NECAB2: variants seen among roughly 807,000 people sequenced by gnomAD.
NECAB2 encodes the protein N-terminal EF-hand calcium binding protein 2.
A neutral mutation model predicts 51.9 loss-of-function variants in NECAB2; 68 were observed. The ratio of observed to expected loss-of-function variants is 1.31; its 90% CI spans 1.08 to 1.60. The LOEUF is 1.60. Among genes scored for constraint, NECAB2 ranks in the 40% most tolerant of loss-of-function variants. The pLI is 0.00. For missense variants in NECAB2, 854 were observed against 490.3 expected, an observed-to-expected ratio of 1.74 and a Z score of -7.00; for synonymous variants, 329 against 203.5, an observed-to-expected ratio of 1.62 and a Z score of -5.25.
chr16:83,993,336 C>G (rs1037130549), intron 6 of NECAB2: 1 of 152,246 alleles, frequency 6.6e-6, no homozygotes, highest in Non-Finnish European at 1.5e-5. Flanking sequence ...AGCCTCTCCC[C>G]TCCCAAGGCG....
chr16:83,967,473 G>A, upstream of NECAB2, among the ~76,000 whole-genome samples: 2 of 92,214 alleles, frequency 2.2e-5, no homozygotes, highest in Non-Finnish European at 4.6e-5. Context: ...TGGATGGATG[G>A]GAGGGAGGGG....
At chr16:83,997,120 GGAGCTCCCAACAGCCCCAGGGATCCCA>G in intron 8 of NECAB2, 69 bp from the exon 9 acceptor site, 1 of 1,490,080 alleles carries the variant, frequency 6.7e-7, no homozygotes, top group Non-Finnish European at 9.3e-7. Flanking sequence ...CGGGTCCTTG[GGAGCTCCCAACAGCCCCAGGGATCCCA>G]GAGCTCCTGG....
At chr16:83,986,263 C>T (rs796206534) in intron 5 of NECAB2, among the ~76,000 whole-genome samples, 42 of 152,284 alleles carry the variant, frequency 2.8e-4, no homozygotes, top group Admixed American at 1.0e-3. Flanking sequence ...GTGTTCCACC[C>T]GCCTCAGTCT....
intron 6 of NECAB2, among the ~76,000 whole-genome samples, chr16:83,994,036 C>T (rs1271704463): frequency 6.6e-6 from 1 of 152,198 alleles, no homozygotes; most frequent in Non-Finnish European, 1.5e-5. Context: ...GGAACTGAAT[C>T]TCTTGGGGAA....
At chr16:83,983,050 G>C (rs1567668861) in intron 5 of NECAB2, among the ~76,000 whole-genome samples, 1 of 151,904 alleles carries the variant, frequency 6.6e-6, no homozygotes, top group Admixed American at 6.6e-5. Flanking sequence ...TGTAGTTTTA[G>C]TAGAGACGGG....
chr16:83,996,258 A>G, intron 8 of NECAB2, among the ~76,000 whole-genome samples: 1 of 152,194 alleles, frequency 6.6e-6, no homozygotes, highest in Non-Finnish European at 1.5e-5. Flanking sequence ...CCATGGAAAC[A>G]GACTTGTTCC....
At chr16:83,983,920 A>G (rs560608209) in intron 5 of NECAB2, among the ~76,000 whole-genome samples, 13 of 151,784 alleles carry the variant, frequency 8.6e-5, no homozygotes, top group African/African-American at 2.9e-4. Context: ...TGATTTTCAT[A>G]GTTATTTTAA....
chr16:83,965,647 C>T (rs766399713), upstream of NECAB2: 6 of 1,613,278 alleles, frequency 3.7e-6, no homozygotes, highest in African/African-American at 5.3e-5. Context: ...ATGAGGGTTA[C>T]CGCAGCCTCC....
At chr16:83,976,222 G>A (rs1168901329) in intron 2 of NECAB2, among the ~76,000 whole-genome samples, 1 of 152,204 alleles carries the variant, frequency 6.6e-6, no homozygotes, top group Non-Finnish European at 1.5e-5. Context: ...ACCCCCTGCT[G>A]GGTAGGTGGC....
chr16:83,977,840 A>G lies in NECAB2; in HGVS notation c.227-604A>G, dbSNP rs139565760. On this transcript the variant is annotated intron_variant, in intron 2 of 12. Transcript: ENST00000305202. ...AGAAGAAAGGGTTCTTCTGTACTCT[A>G]AGAACAGTGCTGAGAGAGTCAGGGC... Among the ~76,000 whole-genome samples, 11 of 152,296 alleles carry G rather than the reference A, an allele frequency of 7.2e-5. No homozygotes were observed. In the East Asian group the frequency reaches 1.9e-3, roughly 27 times the overall value.
intron 5 of NECAB2, among the ~76,000 whole-genome samples, chr16:83,989,588 C>G (rs187817559): frequency 4.6e-5 from 7 of 152,264 alleles, no homozygotes; most frequent in Non-Finnish European, 8.8e-5. Flanking sequence ...CAGAGGAGGC[C>G]AGGAGAGCAG....
chr16:83,999,395 G>C (rs960564413), intron 10 of NECAB2, among the ~76,000 whole-genome samples: 1 of 152,210 alleles, frequency 6.6e-6, no homozygotes, highest in Non-Finnish European at 1.5e-5. Context: ...CCGATGCGCT[G>C]TGGAGAGGAG....
intron 2 of NECAB2, among the ~76,000 whole-genome samples, chr16:83,973,424 C>T (rs987394056): frequency 6.6e-6 from 1 of 152,178 alleles, no homozygotes; most frequent in Non-Finnish European, 1.5e-5. Flanking sequence ...CCCTGGCCTC[C>T]TGCATCCCTG....
At chr16:84,000,667 A>G in intron 10 of NECAB2, 57 bp from the exon 11 acceptor site, 1 of 1,494,038 alleles carries the variant, frequency 6.7e-7, no homozygotes, top group Admixed American at 1.7e-5. Context: ...GGGGAACAGC[A>G]CTGAGGTGGC....
chr16:83,992,027 G>C (rs74802146), intron 6 of NECAB2, among the ~76,000 whole-genome samples: 10,844 of 152,174 alleles, frequency 0.071, 511 homozygotes, highest in Middle Eastern at 0.13. Context: ...ATCACATGCC[G>C]TAAGTGAAGT....
chr16:83,982,233 A>G (rs2084497810), intron 5 of NECAB2, among the ~76,000 whole-genome samples: 2 of 152,202 alleles, frequency 1.3e-5, no homozygotes, highest in Non-Finnish European at 2.9e-5. Flanking sequence ...TGTATTAGAC[A>G]GTCTCTGTTT....
rs759782914 is a variant in NECAB2 at position 83,990,463 on chromosome 16, C to T, written c.460-31C>T. The T allele has an allele frequency of 2.0e-5, 32 of 1,610,774 alleles. No individual in the cohort carries two copies. In the South Asian group the frequency reaches 2.1e-4, roughly 11 times the overall value. ...CCTCCAATTTCCCTCCCACCCCTTT[C>T]CCCTCAGTGCCTCTTCTCTTCCTTC... On this transcript the variant is annotated intron_variant, in intron 5 of 12. Coordinates refer to ENST00000305202, the MANE Select transcript of NECAB2 (RefSeq NM_019065.3).
chr16:83,972,773 C>T (rs186840438), intron 2 of NECAB2, among the ~76,000 whole-genome samples: 19 of 152,282 alleles, frequency 1.2e-4, no homozygotes, highest in Admixed American at 1.3e-4. Context: ...GTTGTGGCCA[C>T]GGAATTCATA....
intron 2 of NECAB2, among the ~76,000 whole-genome samples, chr16:83,978,050 A>G (rs555051569): frequency 6.6e-6 from 1 of 152,322 alleles, no homozygotes; most frequent in East Asian, 1.9e-4. Context: ...GTAAATTGAG[A>G]GAAAATTCAC....
Sources: gnomAD v4.1 joint callset for allele counts (sites outside exome capture counted in the v4.1 genomes callset) on GRCh38, gnomAD v4.1.1 for gene constraint, MANE v1.5 for transcripts, NCBI Gene and HGNC (gene_info 2026-07-23, HGNC 2026-07-21) for gene names.